INTS6: variants seen among roughly 807,000 people sequenced by gnomAD.
INTS6 encodes integrator complex subunit 6.
A neutral mutation model predicts 104.9 loss-of-function variants in INTS6; 16 were observed. The ratio of observed to expected loss-of-function variants is 0.15; its 90% CI spans 0.10 to 0.23. The LOEUF is 0.23. INTS6 is among the 10% of genes least tolerant of loss of function. The pLI, the probability that INTS6 is intolerant of heterozygous loss-of-function variation, is 1.00. For synonymous variants in INTS6, 324 were observed against 358.7 expected, an observed-to-expected ratio of 0.90 and a Z score of 1.09; for missense variants, 584 against 1,062.8, an observed-to-expected ratio of 0.55 and a Z score of 6.26.
At chr13:51,380,346 G>C (rs1956022116) in intron 10 of INTS6, among the ~76,000 whole-genome samples, 1 of 152,102 alleles carries the variant, frequency 6.6e-6, no homozygotes, top group Non-Finnish European at 1.5e-5. Context: ...GAATCGGATA[G>C]AGCCAGAAAA....
intron 15 of INTS6, among the ~76,000 whole-genome samples, chr13:51,372,984 A>G (rs569181822): frequency 4.4e-4 from 67 of 152,302 alleles, no homozygotes; most frequent in African/African-American, 1.5e-3. Context: ...ACTGGCTTAT[A>G]TATCTCTTAA....
Position 51,389,307 on chromosome 13 carries a change from G to A in INTS6, c.739+12C>T. 1.2e-6 allele frequency: 2 copies of A among 1,604,008 alleles called. No homozygotes were observed. Among genetic ancestry groups the A allele is most frequent in the East Asian group, 2.2e-5 (1 of 44,642 alleles). ...CAAGTTTTGAATGTCTAAAAGAAAA[G>A]TGCAATAATACCTTCTACAGGGGAA... On this transcript the variant is annotated intron_variant, in intron 6 of 17. Transcript: ENST00000311234.
At chr13:51,395,125 T>A (rs1243475003) in intron 5 of INTS6, among the ~76,000 whole-genome samples, 175 bp downstream of exon 5, 1 of 152,230 alleles carries the variant, frequency 6.6e-6, no homozygotes, top group Non-Finnish European at 1.5e-5. Flanking sequence ...CACATTCTAT[T>A]CAAATGAAGA....
downstream of INTS6, among the ~76,000 whole-genome samples, chr13:51,350,095 G>A (rs1955390079): frequency 6.6e-6 from 1 of 152,072 alleles, no homozygotes; most frequent in South Asian, 2.1e-4. Flanking sequence ...CTTTTAGTAT[G>A]ACTTGCTCTG....
At chr13:51,367,750 T>C (rs1276983317) in intron 17 of INTS6, 55 bp downstream of exon 17, 3 of 985,510 alleles carry the variant, frequency 3.0e-6, no homozygotes, top group African/African-American at 3.3e-5. Context: ...ATACTGCCTA[T>C]ATAAACTGTG....
chr13:51,347,399 A>G, the INTS6 span, among the ~76,000 whole-genome samples: 2 of 152,270 alleles, frequency 1.3e-5, no homozygotes, highest in East Asian at 3.9e-4. Flanking sequence ...AGGTGCCCGG[A>G]GACTTTAGAG....
chr13:51,355,084 A>G (rs1198068073), intron 3 of INTS6: 1 of 1,551,454 alleles, frequency 6.4e-7, no homozygotes, highest in Non-Finnish European at 8.7e-7. Flanking sequence ...AGCATTTTAA[A>G]TTCTTGGGGA....
intron 3 of INTS6, chr13:51,442,994 GA>G: frequency 6.6e-6 from 1 of 152,278 alleles, no homozygotes; most frequent in South Asian, 2.1e-4. Context: ...GAGACAAAAT[GA>G]AAAGCTTAGC....
At chr13:51,407,327 A>G (rs1956587494) in intron 4 of INTS6, among the ~76,000 whole-genome samples, 1 of 152,234 alleles carries the variant, frequency 6.6e-6, no homozygotes, top group Non-Finnish European at 1.5e-5. Flanking sequence ...TAAGTTGTGA[A>G]GGGCACTGAG....
chr13:51,337,368 A>G, the INTS6 span, among the ~76,000 whole-genome samples: 1 of 152,320 alleles, frequency 6.6e-6, no homozygotes, highest in East Asian at 1.9e-4. Flanking sequence ...AAAATGTTAA[A>G]CCATAATTTT....
At chr13:51,451,612 TG>T (rs1488504416) in intron 2 of INTS6, 1 of 155,690 alleles carries the variant, frequency 6.4e-6, no homozygotes, top group Non-Finnish European at 1.4e-5. Flanking sequence ...ACCGGGGCTG[TG>T]CGCGGCCGGG....
At chr13:51,349,450 C>G (rs1020432060), downstream of INTS6, among the ~76,000 whole-genome samples, 1 of 152,184 alleles carries the variant, frequency 6.6e-6, no homozygotes, top group Non-Finnish European at 1.5e-5. Flanking sequence ...TTCAACAGAT[C>G]TCTCAGGGAG....
In INTS6 at chr13:51,384,432, A is replaced by T. The variant is rs566003854; in HGVS notation, c.895-691T>A. The T allele has an allele frequency of 4.1e-4, 109 of 269,030 alleles. 4 individuals are homozygous for T. Among genetic ancestry groups the T allele is most frequent in the South Asian group, 3.9e-3 (107 of 27,184 alleles). 16.7% of individuals were successfully genotyped at this position (269,030 alleles called of 1,614,324 possible). A position where few individuals can be genotyped will look rare whatever the true frequency, so the allele number is the denominator to read the frequency against. On this transcript the variant is annotated intron_variant, in intron 7 of 17. Coordinates refer to ENST00000311234, the MANE Select transcript of INTS6 (RefSeq NM_012141.3). ...TTGTGAACAAAATGAGCTATGAGGA[A>T]ATAATTTTAAATGTCATAGCTATAA...
In INTS6 at chr13:51,387,434, A is replaced by G. The variant is rs762217379; in HGVS notation, c.846T>C (p.His282=). 3 of 1,613,626 alleles carry G rather than the reference A, an allele frequency of 1.9e-6. No homozygotes were observed. The highest frequency in any genetic ancestry group is 2.2e-5 in the South Asian group (2 of 91,028). Residue 282 remains histidine, a synonymous_variant, in exon 7 of 18, where the codon CAT becomes CAC. Transcript: ENST00000311234. ...PNPKTGVPIG[H]WPVPESFWPD... ...GCCAAAAAGACTCTGGAACAGGCCA[A>G]TGACCTATAGGAACCCCAGTTTTAG... is the stretch of plus-strand genomic sequence containing the variant.
At chr13:51,444,068 GGTT>G (rs917538395) in intron 3 of INTS6, 1 of 152,220 alleles carries the variant, frequency 6.6e-6, no homozygotes, top group Non-Finnish European at 1.5e-5. Context: ...TATATTATTT[GGTT>G]TTTTGTTTGT....
chr13:51,360,718 G>A (rs1380628333), downstream of INTS6, among the ~76,000 whole-genome samples: 1 of 152,030 alleles, frequency 6.6e-6, no homozygotes, highest in East Asian at 1.9e-4. Context: ...ATACAGTCAT[G>A]CAACACTAGA....
chr13:51,353,681 CT>C (rs1334794514), downstream of INTS6, among the ~76,000 whole-genome samples: 1 of 152,084 alleles, frequency 6.6e-6, no homozygotes, highest in African/African-American at 2.4e-5. Flanking sequence ...AAGTATATTT[CT>C]TTTTTGGAAA....
the INTS6 span, among the ~76,000 whole-genome samples, chr13:51,345,054 A>G: frequency 7.2e-5 from 11 of 152,254 alleles, no homozygotes; most frequent in African/African-American, 2.2e-4. Flanking sequence ...TGTAATTATT[A>G]TGAAAGATAA....
chr13:51,336,816 T>G, the INTS6 span, among the ~76,000 whole-genome samples: 2 of 152,232 alleles, frequency 1.3e-5, no homozygotes, highest in Non-Finnish European at 2.9e-5. Flanking sequence ...GCCAGCCCAC[T>G]GTGCTCTCTC....
Sources: allele counts gnomAD v4.1 joint callset (sites outside exome capture counted in the v4.1 genomes callset), GRCh38; gene constraint gnomAD v4.1.1; transcripts MANE v1.5; gene names NCBI Gene and HGNC (gene_info 2026-07-23, HGNC 2026-07-21).